MME: variants seen among roughly 807,000 people sequenced by gnomAD.
MME encodes the protein neprilysin.
MME carries 98 observed loss-of-function variants against 113.2 expected under a neutral mutation model. The ratio of observed to expected loss-of-function variants is 0.87; its 90% confidence interval spans 0.74 to 1.02. The LOEUF is 1.02. Among genes scored for constraint, MME ranks in the 50% least tolerant of loss-of-function variants. The pLI is 0.00. For missense variants in MME, 836 were observed against 896.0 expected, an observed-to-expected ratio of 0.93 and a Z score of 0.86; for synonymous variants, 292 against 300.6, an observed-to-expected ratio of 0.97 and a Z score of 0.30.
At chr3:155,170,794 C>G (rs1162993910) in intron 20 of MME, among the ~76,000 whole-genome samples, 1 of 152,014 alleles carries the variant, frequency 6.6e-6, no homozygotes, top group African/African-American at 2.4e-5. Flanking sequence ...AGGAGTACCC[C>G]CAGCTCTGAC....
At chr3:155,136,378 T>C (rs1471973763) in intron 8 of MME, among the ~76,000 whole-genome samples, 1 of 152,236 alleles carries the variant, frequency 6.6e-6, no homozygotes, top group East Asian at 1.9e-4. Context: ...ATTGAGACTT[T>C]TCCCACATCT....
At chr3:155,037,577 G>A (rs952571061) in intron 1 of MME, among the ~76,000 whole-genome samples, 1 of 152,152 alleles carries the variant, frequency 6.6e-6, no homozygotes, top group Non-Finnish European at 1.5e-5. Flanking sequence ...AGTAGACTGA[G>A]CCCAGGGGAA....
At chr3:155,153,771 C>G (rs185760612) in intron 16 of MME, among the ~76,000 whole-genome samples, 72 of 152,282 alleles carry the variant, frequency 4.7e-4, no homozygotes, top group African/African-American at 1.5e-3. Flanking sequence ...TGAAAGCATA[C>G]TGACATTGAC....
intron 7 of MME, among the ~76,000 whole-genome samples, chr3:155,117,605 T>TG (rs1291334028): frequency 1.6e-5 from 1 of 61,080 alleles, no homozygotes; most frequent in Non-Finnish European, 3.9e-5. Flanking sequence ...TTTTGTTTTT[T>TG]TTTTTTTTTG....
At chr3:155,055,365 A>AG (rs1713889809) in intron 1 of MME, among the ~76,000 whole-genome samples, 1 of 152,204 alleles carries the variant, frequency 6.6e-6, no homozygotes, top group Non-Finnish European at 1.5e-5. Flanking sequence ...TGGGAGGCCA[A>AG]GGCAGACGGA....
At chr3:155,083,263 T>A (rs568762890) in intron 1 of MME, among the ~76,000 whole-genome samples, 1 of 152,190 alleles carries the variant, frequency 6.6e-6, no homozygotes, top group African/African-American at 2.4e-5. Flanking sequence ...GCCTGACTTC[T>A]CTGTGCCCCA....
chr3:155,164,638 T>C (rs1722957652), intron 17 of MME, among the ~76,000 whole-genome samples: 1 of 152,200 alleles, frequency 6.6e-6, no homozygotes, highest in African/African-American at 2.4e-5. Flanking sequence ...ATAGCACATT[T>C]CATAACAGCA....
rs1378726133 is a variant in MME at position 155,090,181 on chromosome 3, C to G, written c.196+5087C>G. The G allele has an allele frequency of 1.9e-5, 3 of 154,548 alleles. No homozygotes were observed. In the South Asian group the frequency reaches 6.0e-4, roughly 31 times the overall value. The allele number at this position is 154,548 out of a possible 1,614,324, so 9.6% of individuals were successfully genotyped here. A position where few individuals can be genotyped will look rare whatever the true frequency, so the allele number is the denominator to read the frequency against. On this transcript the variant is annotated intron_variant, in intron 3 of 22. Coordinates refer to ENST00000360490, the MANE Select transcript of MME (RefSeq NM_007289.4). ...AGACAGGCTTGTGGAACATCAAGAC[C>G]TGGATGAAACACCTCTCAGAACTGT... is the stretch of plus-strand genomic sequence containing the variant.
chr3:155,115,449 A>G (rs1718524881), intron 4 of MME, among the ~76,000 whole-genome samples: 1 of 152,044 alleles, frequency 6.6e-6, no homozygotes, highest in Admixed American at 6.6e-5. Flanking sequence ...GTTTTTTGAG[A>G]TGGAGTTTTG....
intron 3 of MME, among the ~76,000 whole-genome samples, chr3:155,085,945 C>T (rs1434246914): frequency 2.6e-5 from 4 of 152,136 alleles, no homozygotes; most frequent in East Asian, 1.9e-4. Context: ...TAAAAGTGTA[C>T]GCTTGATAGA....
At chr3:155,050,237 A>G (rs1432919092) in intron 1 of MME, among the ~76,000 whole-genome samples, 1 of 152,150 alleles carries the variant, frequency 6.6e-6, no homozygotes, top group Non-Finnish European at 1.5e-5. Flanking sequence ...TCTACCATTA[A>G]TGGGCATTTA....
intron 18 of MME, 36 bp from the exon 19 acceptor site, chr3:155,168,456 A>G (rs760916015): frequency 6.4e-7 from 1 of 1,565,532 alleles, no homozygotes; most frequent in Non-Finnish European, 8.8e-7. Context: ...TCTTGTTGCA[A>G]TGAGTTCCCA....
chr3:155,118,168 T>C (rs1239588825), intron 7 of MME, among the ~76,000 whole-genome samples: 1 of 152,164 alleles, frequency 6.6e-6, no homozygotes, highest in Non-Finnish European at 1.5e-5. Flanking sequence ...TCCATTCCCT[T>C]AGGGTAGAGA....
chr3:155,153,002 T>G (rs929157680), intron 16 of MME, among the ~76,000 whole-genome samples: 2 of 151,894 alleles, frequency 1.3e-5, no homozygotes. Context: ...CCTCTGCTCT[T>G]ATGAGTGGCT....
chr3:155,127,193 A>T (rs1408725307), intron 8 of MME, among the ~76,000 whole-genome samples: 2 of 152,112 alleles, frequency 1.3e-5, no homozygotes, highest in Admixed American at 6.5e-5. Flanking sequence ...CTCAAACAAG[A>T]AAAAGTTTAC....
intron 1 of MME, among the ~76,000 whole-genome samples, chr3:155,047,072 T>C (rs1300154589): frequency 5.3e-5 from 8 of 152,208 alleles, no homozygotes; most frequent in Admixed American, 4.6e-4. Flanking sequence ...TACAGTAATG[T>C]CCTAGGCCTT....
Position 155,099,609 on chromosome 3 carries a change from G to C in MME, c.196+14515G>C, listed in dbSNP as rs539346421. 2.6e-5 allele frequency among the ~76,000 whole-genome samples: 4 copies of C among 152,314 alleles called. No homozygotes were observed. In the South Asian group the frequency reaches 8.3e-4, roughly 32 times the overall value. On this transcript the variant is annotated intron_variant, in intron 3 of 22. Coordinates refer to ENST00000360490, the MANE Select transcript of MME (RefSeq NM_007289.4). The stretch of plus-strand genomic sequence containing the variant: ...AGCAAGCCAAGTATTAAATGGTGGA[G>C]CTCCTGACAACACAGCTTCATAAAA...
At chr3:155,090,082 G>C (rs1716154858) in intron 3 of MME, 1 of 222,756 alleles carries the variant, frequency 4.5e-6, no homozygotes, top group Admixed American at 4.6e-5. Context: ...CAGTTTACAA[G>C]AGAAAGTGGG....
chr3:155,055,676 A>G (rs1467386905), intron 1 of MME, among the ~76,000 whole-genome samples: 2 of 152,194 alleles, frequency 1.3e-5, no homozygotes, highest in African/African-American at 4.8e-5. Flanking sequence ...TGAAATTAAA[A>G]GTTAGGATAA....
Sources: allele counts gnomAD v4.1 joint callset (sites outside exome capture counted in the v4.1 genomes callset), GRCh38; gene constraint gnomAD v4.1.1; transcripts MANE v1.5; gene names NCBI Gene and HGNC (gene_info 2026-07-23, HGNC 2026-07-21).